The following CDK6 variants were observed in gnomAD, a reference collection of about 807,000 sequenced individuals.
CDK6 encodes cyclin-dependent kinase 6.
A neutral mutation model predicts 37.1 loss-of-function variants in CDK6; 6 were observed. That is an observed-to-expected ratio of 0.16 (90% CI 0.09 to 0.32). CDK6 has a LOEUF of 0.32. Among genes scored for constraint, CDK6 ranks in the 10% least tolerant of loss-of-function variants. CDK6 has a pLI of 1.00. For missense variants in CDK6, 224 were observed against 418.9 expected (o/e 0.53, Z 4.06); for synonymous variants, 160 against 161.3 (o/e 0.99, Z 0.06).
chr7:92,798,978 T>C (rs1453561128), intron 2 of CDK6, among the ~76,000 whole-genome samples: 2 of 152,174 alleles, frequency 1.3e-5, no homozygotes, highest in African/African-American at 4.8e-5. Context: ...ATATGCTAAA[T>C]CTGCAATTCA....
chr7:92,813,919 C>T (rs1171648807), intron 2 of CDK6, among the ~76,000 whole-genome samples: 1 of 152,150 alleles, frequency 6.6e-6, no homozygotes, highest in Non-Finnish European at 1.5e-5. Context: ...TTTTTCACTT[C>T]CTGTCTCCAT....
chr7:92,750,513 C>T (rs1799164485), intron 3 of CDK6, among the ~76,000 whole-genome samples: 2 of 152,148 alleles, frequency 1.3e-5, no homozygotes, highest in Admixed American at 6.5e-5. Context: ...TGGGTTGCCA[C>T]TACGCCATAT....
intron 2 of CDK6, among the ~76,000 whole-genome samples, chr7:92,778,946 T>TATATATATATATATATATATATAAA (rs1479181745): frequency 7.4e-6 from 1 of 135,012 alleles, no homozygotes; most frequent in African/African-American, 3.0e-5. Context: ...TATATATATA[T>TATATATATATATATATATATATAAA]AAGATATTAT....
intron 4 of CDK6, among the ~76,000 whole-genome samples, chr7:92,699,882 AGCTTAACCTCTCCAT>A (rs1170473755): frequency 1.3e-5 from 2 of 152,246 alleles, no homozygotes; most frequent in African/African-American, 4.8e-5. Flanking sequence ...TTGGCTAAAT[AGCTTAACCTCTCCAT>A]GCCTCTGTTT....
At chr7:92,799,403 T>A (rs1295317830) in intron 2 of CDK6, among the ~76,000 whole-genome samples, 2 of 152,286 alleles carry the variant, frequency 1.3e-5, no homozygotes, top group East Asian at 3.9e-4. Context: ...AGAGTTTTCT[T>A]TTACTTCTCC....
At chr7:92,825,600 AGAG>A (rs1414890911) in intron 2 of CDK6, among the ~76,000 whole-genome samples, 1 of 152,202 alleles carries the variant, frequency 6.6e-6, no homozygotes, top group Non-Finnish European at 1.5e-5. Flanking sequence ...CAAATTATGA[AGAG>A]GAGTAGAAGA....
At chr7:92,775,890 A>G (rs1017091206) in intron 2 of CDK6, among the ~76,000 whole-genome samples, 2 of 152,198 alleles carry the variant, frequency 1.3e-5, no homozygotes, top group Non-Finnish European at 2.9e-5. Context: ...ACTATCAATT[A>G]TCCTGCTTAC....
chr7:92,798,379 A>G (rs1800470331), intron 2 of CDK6, among the ~76,000 whole-genome samples: 1 of 152,218 alleles, frequency 6.6e-6, no homozygotes, highest in Non-Finnish European at 1.5e-5. Context: ...TAAAATGCCA[A>G]ATGTCAAAAT....
chr7:92,726,429 T>A (rs1054003171), intron 3 of CDK6, among the ~76,000 whole-genome samples: 2 of 152,112 alleles, frequency 1.3e-5, no homozygotes, highest in Admixed American at 6.6e-5. Context: ...TGTTTTTTTT[T>A]AAACAGGATC....
At chr7:92,755,594 C>T (rs1260571437) in intron 3 of CDK6, among the ~76,000 whole-genome samples, 3 of 152,158 alleles carry the variant, frequency 2.0e-5, no homozygotes, top group Non-Finnish European at 2.9e-5. Flanking sequence ...CTTTACAAAC[C>T]GCTTCAAACC....
Position 92,609,666 on chromosome 7 carries a change from C to T in CDK6, c.*5474G>A. ...ACCATGCTAGGGAATTTGAAAGCAG[C>T]AGAGAGGGTATGTGTGTTTTAACTG... On this transcript the variant is annotated 3_prime_UTR_variant, in exon 8 of 8. Coordinates refer to ENST00000424848, the MANE Select transcript of CDK6 (RefSeq NM_001145306.2). The T allele has an allele frequency of 4.3e-6, 1 of 231,312 alleles. No homozygotes were observed. The allele number at this position is 231,312 out of a possible 1,614,324, so 14.3% of individuals were successfully genotyped here.
chr7:92,814,716 T>C (rs1800980827), intron 2 of CDK6, among the ~76,000 whole-genome samples: 1 of 152,012 alleles, frequency 6.6e-6, no homozygotes, highest in African/African-American at 2.4e-5. Flanking sequence ...GCGTCCCACA[T>C]ACACAAAAAG....
intron 4 of CDK6, among the ~76,000 whole-genome samples, chr7:92,686,801 T>TA (rs1478580916): frequency 2.0e-5 from 3 of 152,196 alleles, no homozygotes; most frequent in Admixed American, 6.5e-5. Flanking sequence ...TTTTTTTTTT[T>TA]ATTATGGCCA....
At chr7:92,628,627 T>C (rs1369673991) in intron 5 of CDK6, among the ~76,000 whole-genome samples, 2 of 152,106 alleles carry the variant, frequency 1.3e-5, no homozygotes, top group African/African-American at 4.8e-5. Flanking sequence ...GGTTCATCTC[T>C]GGGTAATTCA....
intron 2 of CDK6, among the ~76,000 whole-genome samples, chr7:92,789,213 A>G (rs1184445240): frequency 6.6e-6 from 1 of 152,210 alleles, no homozygotes; most frequent in African/African-American, 2.4e-5. Flanking sequence ...TCAAAGATGA[A>G]GGCAAAATTA....
intron 5 of CDK6, among the ~76,000 whole-genome samples, chr7:92,669,835 T>C (rs1797035985): frequency 6.6e-6 from 1 of 152,216 alleles, no homozygotes. Flanking sequence ...GTTCTTATCC[T>C]GGAGGCTGTA....
Position 92,644,949 on chromosome 7 carries a change from C to T in CDK6, c.648-21863G>A, listed in dbSNP as rs1051528237. On this transcript the variant is annotated intron_variant, in intron 5 of 7. Transcript: ENST00000424848. ...TGACAGTGCTGCATGTCCAAAGAGGCAAGCAGCCAGGCAGAGCCCTCTCTG... is the reference window on the plus strand; with the variant it reads ...TGACAGTGCTGCATGTCCAAAGAGGTAAGCAGCCAGGCAGAGCCCTCTCTG... Among the ~76,000 whole-genome samples the T allele has an allele frequency of 7.2e-5, 11 of 152,290 alleles. No homozygotes were observed. In the East Asian group the frequency reaches 2.1e-3, roughly 29 times the overall value.
intron 4 of CDK6, among the ~76,000 whole-genome samples, chr7:92,724,393 C>T (rs1013931093): frequency 6.6e-6 from 1 of 151,984 alleles, no homozygotes; most frequent in Admixed American, 6.6e-5. Flanking sequence ...TCCTCTGCAT[C>T]AAAAGTTCTG....
At chr7:92,812,494 T>C (rs1188306545) in intron 2 of CDK6, among the ~76,000 whole-genome samples, 1 of 151,986 alleles carries the variant, frequency 6.6e-6, no homozygotes, top group African/African-American at 2.4e-5. Context: ...CATGGCTCAC[T>C]GCAGCCTCAA....
Sources: allele counts gnomAD v4.1 joint callset (sites outside exome capture counted in the v4.1 genomes callset), GRCh38; gene constraint gnomAD v4.1.1; transcripts MANE v1.5; gene names NCBI Gene and HGNC (gene_info 2026-07-23, HGNC 2026-07-21).